Variants in CDH18 observed in about 807,000 individuals in gnomAD.
CDH18 encodes cadherin 18, also known as cadherin-18.
A neutral mutation model predicts 67.9 loss-of-function variants in CDH18; 31 were observed. The ratio of observed to expected loss-of-function variants is 0.46; its 90% CI spans 0.34 to 0.62. The LOEUF (loss-of-function observed/expected upper bound fraction) is 0.62, where lower values mean the gene tolerates loss of function less well. Among genes scored for constraint, CDH18 ranks in the 20% least tolerant of loss-of-function variants. The pLI is 0.01. For synonymous variants in CDH18, 362 were observed against 347.2 expected (o/e 1.04, Z -0.48); for missense variants, 890 against 975.5 (o/e 0.91, Z 1.17).
chr5:20,315,837 A>G (rs1174045665), intron 1 of CDH18, among the ~76,000 whole-genome samples: 7 of 152,126 alleles, frequency 4.6e-5, no homozygotes, highest in Admixed American at 4.6e-4. Context: ...TTATGATTAA[A>G]CATTATCTTA....
intron 1 of CDH18, among the ~76,000 whole-genome samples, chr5:20,455,632 C>T (rs1581032333): frequency 6.6e-6 from 1 of 152,046 alleles, no homozygotes; most frequent in South Asian, 2.1e-4. Context: ...TAATTAGATC[C>T]ATTCAAATAA....
chr5:20,497,182 G>T (rs1380578407), intron 1 of CDH18, among the ~76,000 whole-genome samples: 1 of 152,078 alleles, frequency 6.6e-6, no homozygotes, highest in Admixed American at 6.6e-5. Context: ...AGTAAGTGAG[G>T]GCTCAGGGAG....
chr5:19,542,500 TG>T (rs1750432616), intron 9 of CDH18, among the ~76,000 whole-genome samples: 2 of 152,050 alleles, frequency 1.3e-5, no homozygotes. Context: ...AGGAAAAAAA[TG>T]GAAACCAGAT....
chr5:20,414,936 C>CA (rs1285470802), intron 1 of CDH18, among the ~76,000 whole-genome samples: 2 of 151,968 alleles, frequency 1.3e-5, no homozygotes, highest in Non-Finnish European at 1.5e-5. Flanking sequence ...AGAGGTTTCT[C>CA]AAAAAATTAA....
intron 1 of CDH18, among the ~76,000 whole-genome samples, chr5:20,333,293 G>T (rs1184394528): frequency 6.6e-6 from 1 of 151,934 alleles, no homozygotes; most frequent in Non-Finnish European, 1.5e-5. Context: ...CAGATCAGGA[G>T]GTCAGGAGAT....
chr5:19,949,503 T>G (rs1561614608), intron 2 of CDH18, among the ~76,000 whole-genome samples: 1 of 152,112 alleles, frequency 6.6e-6, no homozygotes, highest in Non-Finnish European at 1.5e-5. Context: ...TGGAACAATA[T>G]GCCCCCAAAT....
At chr5:20,351,920 G>A (rs1741214998) in intron 1 of CDH18, among the ~76,000 whole-genome samples, 1 of 152,178 alleles carries the variant, frequency 6.6e-6, no homozygotes, top group Non-Finnish European at 1.5e-5. Context: ...TCTTAAAGAA[G>A]CTAAACTGGC....
At chr5:20,043,743 C>A (rs1247477357) in intron 2 of CDH18, among the ~76,000 whole-genome samples, 3 of 152,094 alleles carry the variant, frequency 2.0e-5, no homozygotes, top group Non-Finnish European at 4.4e-5. Context: ...AACTGGAATG[C>A]ATGTGGGATA....
intron 1 of CDH18, among the ~76,000 whole-genome samples, chr5:20,312,667 G>A (rs1014267158): frequency 1.3e-5 from 2 of 152,098 alleles, no homozygotes; most frequent in African/African-American, 4.8e-5. Flanking sequence ...AAAGTCTTCT[G>A]TGTGACTACT....
At chr5:20,275,106 C>A (rs1745708561) in intron 1 of CDH18, among the ~76,000 whole-genome samples, 1 of 152,048 alleles carries the variant, frequency 6.6e-6, no homozygotes, top group Admixed American at 6.6e-5. Context: ...ATTTTCACCA[C>A]ATTTCTGAGG....
intron 2 of CDH18, among the ~76,000 whole-genome samples, chr5:20,057,449 C>G (rs1165172059): frequency 1.2e-4 from 19 of 152,110 alleles, no homozygotes. Flanking sequence ...TATACATCCT[C>G]TTTATTAACT....
At chr5:20,020,064 C>G (rs1307088040) in intron 2 of CDH18, among the ~76,000 whole-genome samples, 1 of 152,148 alleles carries the variant, frequency 6.6e-6, no homozygotes, top group Non-Finnish European at 1.5e-5. Flanking sequence ...TGCCCCTGCT[C>G]TAGGGATCTG....
rs532801651 is a variant in CDH18, at chr5:19,948,309, T to C, written c.-257+32751A>G. 3.3e-5 allele frequency among the ~76,000 whole-genome samples: 5 copies of C among 152,278 alleles called. No individual in the cohort carries two copies. The East Asian group carries it at 5.8e-4, about 18-fold the overall frequency. ...AAATTTTTGTTATTGTAGAAATCTG[T>C]ACACAAATGTTTATAATAAGTCAAA... is the stretch of plus-strand genomic sequence containing the variant. On this transcript the variant is annotated intron_variant, in intron 2 of 12. Transcript: ENST00000382275.
intron 2 of CDH18, among the ~76,000 whole-genome samples, chr5:20,073,268 CCTCT>C (rs1214786892): frequency 1.3e-5 from 2 of 151,488 alleles, no homozygotes; most frequent in African/African-American, 2.4e-5. Context: ...AGTAATTCTC[CCTCT>C]CTCTCTCTTT....
At chr5:20,354,701 C>T (rs1741465518) in intron 1 of CDH18, among the ~76,000 whole-genome samples, 3 of 152,122 alleles carry the variant, frequency 2.0e-5, no homozygotes, top group African/African-American at 2.4e-5. Flanking sequence ...TGTGAACCAC[C>T]GTGCCTGTCT....
intron 2 of CDH18, among the ~76,000 whole-genome samples, chr5:20,201,635 T>C (rs561658133): frequency 5.0e-4 from 76 of 152,088 alleles, no homozygotes; most frequent in Non-Finnish European, 1.0e-3. Flanking sequence ...CAGTATTATA[T>C]GATAAAATAA....
chr5:19,989,216 T>C (rs971083268), upstream of CDH18, among the ~76,000 whole-genome samples: 2 of 152,144 alleles, frequency 1.3e-5, no homozygotes, highest in Admixed American at 1.3e-4. Flanking sequence ...GAATGACTAG[T>C]CTAAGGGCCC....
intron 2 of CDH18, among the ~76,000 whole-genome samples, chr5:20,041,685 T>G (rs1217363408): frequency 6.6e-6 from 1 of 152,186 alleles, no homozygotes; most frequent in African/African-American, 2.4e-5. Context: ...AAAACGCACT[T>G]TTAAAAATTT....
At chr5:20,200,088 T>C (rs994187856) in intron 2 of CDH18, among the ~76,000 whole-genome samples, 7 of 152,230 alleles carry the variant, frequency 4.6e-5, no homozygotes, top group Non-Finnish European at 8.8e-5. Context: ...CACTGTGTTC[T>C]AACAAAAATG....
Sources: allele counts gnomAD v4.1 joint callset (sites outside exome capture counted in the v4.1 genomes callset), GRCh38; gene constraint gnomAD v4.1.1; transcripts MANE v1.5; gene names NCBI Gene and HGNC (gene_info 2026-07-23, HGNC 2026-07-21).